Variants in EVL observed in about 807,000 individuals in gnomAD.
The protein encoded by EVL is Enah/Vasp-like.
A neutral mutation model predicts 59.6 loss-of-function variants in EVL; 21 were observed. The ratio of observed to expected loss-of-function variants is 0.35; its 90% CI spans 0.25 to 0.51. EVL has a LOEUF of 0.51. Ranked by LOEUF, EVL falls within the 20% of genes least tolerant of loss-of-function variation. The probability of loss-of-function intolerance (pLI) is 0.97; values close to 1 mark genes in which losing one functional copy is unlikely to be tolerated. For missense variants in EVL, 462 were observed against 546.6 expected, an observed-to-expected ratio of 0.85 and a Z score of 1.54; for synonymous variants, 198 against 203.5, an observed-to-expected ratio of 0.97 and a Z score of 0.23.
At position 100,109,544 on chromosome 14, in the gene EVL, C is replaced by G; in HGVS notation, c.358+11886C>G. Reference sequence around the variant, plus strand: ...GGTGACTGAACAAGCTCCCAGCTTGCGCCCATGTCATATTGTGTGCCTCTC... The same window carrying G: ...GGTGACTGAACAAGCTCCCAGCTTGGGCCCATGTCATATTGTGTGCCTCTC... On this transcript the variant is annotated intron_variant, in intron 3 of 13. Coordinates refer to ENST00000392920, the MANE Select transcript of EVL (RefSeq NM_016337.3). The surrounding 1 kb of genome is among the most constrained non-coding windows in gnomAD (Gnocchi z 4.3). 1 of 471,410 alleles carries G rather than the reference C, an allele frequency of 2.1e-6. No individual in the cohort carries two copies. Among genetic ancestry groups the G allele is most frequent in the Non-Finnish European group, 4.4e-6 (1 of 226,842 alleles). The allele number at this position is 471,410 out of a possible 1,614,324, so 29.2% of individuals were successfully genotyped here.
intron 8 of EVL, among the ~76,000 whole-genome samples, chr14:100,133,656 C>T (rs1262953190): frequency 6.6e-6 from 1 of 152,216 alleles, no homozygotes; most frequent in Non-Finnish European, 1.5e-5. Context: ...AACAGCCTCC[C>T]GGCCGGCTCA....
chr14:100,112,668 C>G (rs1316077781), intron 3 of EVL, among the ~76,000 whole-genome samples: 3 of 152,244 alleles, frequency 2.0e-5, no homozygotes, highest in African/African-American at 7.2e-5. Flanking sequence ...GTTTTCTCCC[C>G]AAAACCTCAG....
At chr14:100,036,565 T>C (rs1219364497) in intron 1 of EVL, among the ~76,000 whole-genome samples, 1 of 152,168 alleles carries the variant, frequency 6.6e-6, no homozygotes, top group Admixed American at 6.5e-5. Context: ...TTTTTTTGTT[T>C]TGCAGTATAT....
intron 1 of EVL, chr14:100,053,044 A>T (rs938527894): frequency 1.3e-5 from 2 of 152,178 alleles, no homozygotes; most frequent in African/African-American, 2.4e-5. Flanking sequence ...ATCTCTTCAT[A>T]TAAAAACACT....
intron 8 of EVL, 40 bp downstream of exon 8, chr14:100,132,819 A>C: frequency 6.2e-7 from 1 of 1,609,352 alleles, no homozygotes; most frequent in Non-Finnish European, 8.5e-7. Context: ...CTCCCCACTG[A>C]GATGAGCGCA....
At chr14:100,107,845 C>T (rs1886673498) in intron 3 of EVL, 1 of 152,196 alleles carries the variant, frequency 6.6e-6, no homozygotes, top group Admixed American at 6.5e-5. Context: ...CAAGGTATAC[C>T]AGGGTCCTCG....
intron 1 of EVL, among the ~76,000 whole-genome samples, chr14:100,016,058 G>A (rs1156329573): frequency 6.9e-6 from 1 of 145,480 alleles, no homozygotes; most frequent in African/African-American, 2.5e-5. Flanking sequence ...CAGCCTGCGT[G>A]ACAGAGTAAG....
chr14:100,075,501 T>C (rs1296862678), intron 1 of EVL, among the ~76,000 whole-genome samples: 1 of 152,240 alleles, frequency 6.6e-6, no homozygotes, highest in African/African-American at 2.4e-5. Flanking sequence ...CATTTATTTA[T>C]GGCCACTTCT....
At chr14:100,125,548 C>T (rs1322759824) in intron 4 of EVL, among the ~76,000 whole-genome samples, 1 of 151,500 alleles carries the variant, frequency 6.6e-6, no homozygotes, top group Non-Finnish European at 1.5e-5. Context: ...CTAAAAGGGG[C>T]TTTTCCGTAA....
rs980359144 is a variant in EVL, at chr14:100,127,645, T to C, written c.487+874T>C. Reference sequence around the variant, plus strand: ...AAGCACTTCCCATCCTTTTCCTCCTTCCTCACACTTGCCTCCCCCCTTCAC... The same window carrying C: ...AAGCACTTCCCATCCTTTTCCTCCTCCCTCACACTTGCCTCCCCCCTTCAC... On this transcript the variant is annotated intron_variant, in intron 5 of 13. Transcript: ENST00000392920. This position sits in a 1 kb window ranked among gnomAD's most constrained non-coding sequence, Gnocchi z 4.2. 6.6e-6 allele frequency among the ~76,000 whole-genome samples: 1 copy of C among 152,108 alleles called. No homozygotes were observed. The highest frequency in any genetic ancestry group is 2.4e-5 in the African/African-American group (1 of 41,390).
rs1355307455 is a variant in EVL, at chr14:100,090,541, CAGTA to C, written c.180+5693_180+5696del. On this transcript the variant is annotated intron_variant, in intron 2 of 13. Coordinates refer to ENST00000392920, the MANE Select transcript of EVL (RefSeq NM_016337.3). ...TTATTATTTCTAATGAACAATAATGCAGTAAGTAAGCCTGAACAAACGATTAATG... is the reference window on the plus strand; with the variant it reads ...TTATTATTTCTAATGAACAATAATGCAGTAAGCCTGAACAAACGATTAATG... Among the ~76,000 whole-genome samples the C allele has an allele frequency of 3.9e-5, 6 of 152,252 alleles. No individual in the cohort carries two copies. In the South Asian group the frequency reaches 8.3e-4, roughly 21 times the overall value.
chr14:100,137,754 C>G lies in EVL; in HGVS notation c.1046C>G (p.Ala349Gly). Residue 349 changes from alanine to glycine, a missense_variant, in exon 11 of 14, where the codon GCA becomes GGA. Physicochemically the swap from Ala to Gly is moderately conservative, Grantham distance 60. Transcript: ENST00000392920. ...SSILSRTPSVAKSPEAKSPLQ... is the reference protein window; with the variant it reads ...SSILSRTPSVGKSPEAKSPLQ... ...CATTGCCGTAGAACCCCGTCTGTGG[C>G]AAAGAGCCCCGAAGCTAAGAGCCCC... 1.2e-6 allele frequency: 2 copies of G among 1,614,072 alleles called. No individual in the cohort carries two copies. The highest frequency in any genetic ancestry group is 3.3e-5 in the Admixed American group (2 of 60,020).
chr14:100,141,126 C>CT, intron 11 of EVL, 54 bp from the exon 12 acceptor site: 1 of 1,587,118 alleles, frequency 6.3e-7, no homozygotes, highest in Non-Finnish European at 8.6e-7. Context: ...GCACAGCCAG[C>CT]TTTCCCCCAC....
intron 1 of EVL, among the ~76,000 whole-genome samples, chr14:100,038,838 C>T (rs1312701725): frequency 6.8e-6 from 1 of 147,142 alleles, no homozygotes; most frequent in Non-Finnish European, 1.5e-5. Flanking sequence ...TTTGTACTCA[C>T]AAAGATCAGA....
chr14:100,138,545 G>A (rs1433665819), intron 11 of EVL: 1 of 152,828 alleles, frequency 6.5e-6, no homozygotes, highest in Non-Finnish European at 1.5e-5. Flanking sequence ...TCACAGAGCA[G>A]GAGGCATTGA....
chr14:100,093,899 T>C (rs1885617145), intron 2 of EVL, among the ~76,000 whole-genome samples: 1 of 152,210 alleles, frequency 6.6e-6, no homozygotes, highest in Non-Finnish European at 1.5e-5. Flanking sequence ...AGTCATAAAT[T>C]TTAAATTATG....
intron 1 of EVL, among the ~76,000 whole-genome samples, chr14:100,031,192 G>A (rs1307652419): frequency 6.6e-6 from 1 of 152,162 alleles, no homozygotes; most frequent in Non-Finnish European, 1.5e-5. Flanking sequence ...CTAAAGACAG[G>A]TGCCCAGGCC....
chr14:100,045,326 C>A (rs536682828), intron 1 of EVL, among the ~76,000 whole-genome samples: 2 of 152,328 alleles, frequency 1.3e-5, no homozygotes, highest in Non-Finnish European at 2.9e-5. Flanking sequence ...TGTGCTCTCA[C>A]ATCCCCTGCT....
At chr14:100,099,994 C>A (rs1595176412) in intron 3 of EVL, among the ~76,000 whole-genome samples, 1 of 89,132 alleles carries the variant, frequency 1.1e-5, no homozygotes, top group Admixed American at 1.7e-4. Flanking sequence ...CATGCAGATA[C>A]CTTGGGGGCA....
Sources: gnomAD v4.1 joint callset for allele counts (sites outside exome capture counted in the v4.1 genomes callset) on GRCh38, gnomAD v4.1.1 for gene constraint, Gnocchi (gnomAD v3.1) non-coding constraint, MANE v1.5 for transcripts, NCBI Gene and HGNC (gene_info 2026-07-23, HGNC 2026-07-21) for gene names.